Variants in SGSM1 observed in about 807,000 individuals in gnomAD.
SGSM1 encodes the protein RUN and TBC1 domain containing 2.
Under a neutral mutation model 133.8 loss-of-function variants are expected in SGSM1, and 73 were observed. The ratio of observed to expected loss-of-function variants is 0.55; its 90% CI spans 0.45 to 0.66. The LOEUF (loss-of-function observed/expected upper bound fraction) is 0.66, where lower values mean the gene tolerates loss of function less well. SGSM1 is among the 30% of genes least tolerant of loss of function. SGSM1 has a pLI of 0.00. For synonymous variants in SGSM1, 563 were observed against 573.0 expected, an observed-to-expected ratio of 0.98 and a Z score of 0.25; for missense variants, 1,213 against 1,448.1, an observed-to-expected ratio of 0.84 and a Z score of 2.64.
chr22:24,828,747 T>C (rs1928936991), intron 2 of SGSM1, among the ~76,000 whole-genome samples: 1 of 152,224 alleles, frequency 6.6e-6, no homozygotes, highest in Non-Finnish European at 1.5e-5. Context: ...GGAGTGTAAA[T>C]CATTCTGTTA....
intron 12 of SGSM1, among the ~76,000 whole-genome samples, chr22:24,875,226 G>A (rs1931973122): frequency 6.6e-6 from 1 of 152,246 alleles, no homozygotes; most frequent in South Asian, 2.1e-4. Context: ...TTCATGGGCT[G>A]AATTCAGCCC....
intron 8 of SGSM1, among the ~76,000 whole-genome samples, chr22:24,857,284 G>T (rs1361525268): frequency 6.6e-6 from 1 of 151,118 alleles, no homozygotes; most frequent in Non-Finnish European, 1.5e-5. Flanking sequence ...GGTGGCATGT[G>T]CCTGTAGTCC....
At chr22:24,853,769 AT>A (rs57736929) in intron 5 of SGSM1, among the ~76,000 whole-genome samples, 2,370 of 123,370 alleles carry the variant, frequency 0.019, 18 homozygotes, top group East Asian at 0.053. Context: ...CGCCTGGTGA[AT>A]TTTTTTTTTT....
chr22:24,862,011 A>G (rs1012583402), intron 9 of SGSM1, among the ~76,000 whole-genome samples: 2 of 148,306 alleles, frequency 1.3e-5, no homozygotes, highest in Non-Finnish European at 3.0e-5. Flanking sequence ...CTGGAGTGCA[A>G]TGGCACAATC....
rs1420856066 is a variant in SGSM1 at position 24,908,584 on chromosome 22, C to T, written c.2818+3397C>T. Among the ~76,000 whole-genome samples the T allele has an allele frequency of 5.9e-5, 9 of 152,180 alleles. No homozygotes were observed. In the East Asian group the frequency reaches 9.7e-4, roughly 16 times the overall value. On this transcript the variant is annotated intron_variant, in intron 21 of 24. Coordinates refer to ENST00000400358, the MANE Select transcript of SGSM1 (RefSeq NM_001098497.3). ...TTGGGAGGCCGAGGCGGGCAGATCA[C>T]GAGGTCAGAAGATCGAGACCATCCT...
At position 24,890,102 on chromosome 22, in the gene SGSM1, G is replaced by A. The variant is rs5996786; in HGVS notation, c.1771-3329G>A. On this transcript the variant is annotated intron_variant, in intron 16 of 24. Transcript: ENST00000400358. ...CTCCCAAGTAGCTGGGACTGCAGGC[G>A]CCTGCCACCACGCCTGGCTAATTTT... 1.2e-3 allele frequency among the ~76,000 whole-genome samples: 179 copies of A among 151,742 alleles called. 1 individual carries two copies. The highest frequency in any genetic ancestry group is 4.0e-3 in the African/African-American group (166 of 41,380).
chr22:24,896,868 T>C (rs1932927939), intron 18 of SGSM1, among the ~76,000 whole-genome samples: 1 of 151,852 alleles, frequency 6.6e-6, no homozygotes, highest in Non-Finnish European at 1.5e-5. Flanking sequence ...TCCAAGCTAC[T>C]TGGGAGGCTG....
chr22:24,843,025 G>C (rs56221546), intron 2 of SGSM1, among the ~76,000 whole-genome samples: 2,279 of 152,026 alleles, frequency 0.015, 56 homozygotes, highest in African/African-American at 0.052. Flanking sequence ...CAGGAGCCAT[G>C]ATGGGAGAAA....
At chr22:24,837,585 C>CA (rs1555922711) in intron 2 of SGSM1, among the ~76,000 whole-genome samples, 16 of 58,670 alleles carry the variant, frequency 2.7e-4, no homozygotes, top group African/African-American at 1.0e-3. Context: ...GAGACCCCCC[C>CA]CCCCCCTTTC....
At chr22:24,817,800 A>T (rs8142176) in intron 2 of SGSM1, among the ~76,000 whole-genome samples, 43,213 of 152,146 alleles carry the variant, frequency 0.28, 6,782 homozygotes, top group East Asian at 0.59. Flanking sequence ...TTCTCTAGTG[A>T]CTAGAAGTCT....
chr22:24,809,035 A>C (rs928027202), intron 2 of SGSM1, among the ~76,000 whole-genome samples: 1 of 152,216 alleles, frequency 6.6e-6, no homozygotes, highest in African/African-American at 2.4e-5. Context: ...AATAAGTGAC[A>C]TTTCAAGGGC....
In SGSM1 at chr22:24,868,535, G is replaced by T; in HGVS notation, c.1154G>T (p.Gly385Val). ...QLDPPLWSQR[G>V]KGKVFPKLRK... ...GACCCGCCACTGTGGTCCCAGAGGG[G>T]TAAGGTGAGTGATCATCGGGACCCA... Residue 385 changes from glycine (G) to valine (V), a missense_variant, in exon 11 of 25, where the codon GGT becomes GTT. Transcript: ENST00000400358. 1 of 1,613,908 alleles carries T rather than the reference G, an allele frequency of 6.2e-7. No individual in the cohort carries two copies. Among genetic ancestry groups the T allele is most frequent in the Non-Finnish European group, 8.5e-7 (1 of 1,179,882 alleles).
chr22:24,886,458 C>T (rs987745145), intron 15 of SGSM1, 142 bp from the exon 16 acceptor site: 2 of 1,094,604 alleles, frequency 1.8e-6, no homozygotes, highest in African/African-American at 3.2e-5. Context: ...AATCCCAGCA[C>T]TTTGGGAGGC....
intron 2 of SGSM1, among the ~76,000 whole-genome samples, chr22:24,808,394 G>A (rs569271033): frequency 5.9e-5 from 9 of 152,254 alleles, no homozygotes; most frequent in African/African-American, 2.2e-4. Flanking sequence ...AATTACAGGC[G>A]TGAGCCACTG....
At chr22:24,841,718 C>A (rs1157670392) in intron 2 of SGSM1, among the ~76,000 whole-genome samples, 1 of 152,154 alleles carries the variant, frequency 6.6e-6, no homozygotes, top group African/African-American at 2.4e-5. Context: ...TTTGAAGGTA[C>A]AACCAACATA....
At chr22:24,837,584 C>CTCG (rs1555922694) in intron 2 of SGSM1, among the ~76,000 whole-genome samples, 1 of 56,412 alleles carries the variant, frequency 1.8e-5, no homozygotes, top group Non-Finnish European at 3.7e-5. Context: ...GGAGACCCCC[C>CTCG]CCCCCCCTTT....
intron 2 of SGSM1, among the ~76,000 whole-genome samples, chr22:24,815,953 A>G (rs963141578): frequency 3.9e-5 from 6 of 152,120 alleles, no homozygotes; most frequent in African/African-American, 1.4e-4. Flanking sequence ...GAGTTTTAAA[A>G]CTGGGAGGGT....
chr22:24,807,011 C>A (rs1413308096), intron 2 of SGSM1, among the ~76,000 whole-genome samples: 1 of 152,096 alleles, frequency 6.6e-6, no homozygotes, highest in Non-Finnish European at 1.5e-5. Context: ...CCCTGAGAGT[C>A]ACGGGTCAGT....
intron 21 of SGSM1, among the ~76,000 whole-genome samples, chr22:24,910,656 T>C (rs1415397777): frequency 3.3e-5 from 5 of 150,310 alleles, no homozygotes; most frequent in Admixed American, 6.6e-5. Flanking sequence ...TAAAATGTAA[T>C]AAATAAGTCC....
Sources: allele counts gnomAD v4.1 joint callset (sites outside exome capture counted in the v4.1 genomes callset), GRCh38; gene constraint gnomAD v4.1.1; transcripts MANE v1.5; gene names NCBI Gene and HGNC (gene_info 2026-07-23, HGNC 2026-07-21).